TMEM61: variants seen among roughly 807,000 people sequenced by gnomAD.
TMEM61 encodes the protein transmembrane protein 61.
In TMEM61, 13 loss-of-function variants were observed where a neutral mutation model predicts 12.0. The ratio of observed to expected loss-of-function variants is 1.08; its 90% CI spans 0.70 to 1.72. TMEM61 has a LOEUF of 1.72. Ranked by LOEUF, TMEM61 falls within the 40% of genes most tolerant of loss-of-function variation. TMEM61 has a pLI of 0.00. For missense variants in TMEM61, 249 were observed against 276.9 expected, an observed-to-expected ratio of 0.90 and a Z score of 0.71; for synonymous variants, 109 against 121.4, an observed-to-expected ratio of 0.90 and a Z score of 0.67.
At chr1:54,982,390 A>G (rs992970963) in intron 1 of TMEM61, among the ~76,000 whole-genome samples, 2 of 152,140 alleles carry the variant, frequency 1.3e-5, no homozygotes, top group African/African-American at 4.8e-5. Context: ...GCCTGCTGAT[A>G]GTGACATCCC....
At chr1:54,981,610 G>A (rs1231958477) in intron 1 of TMEM61, among the ~76,000 whole-genome samples, 2 of 152,002 alleles carry the variant, frequency 1.3e-5, no homozygotes, top group Non-Finnish European at 2.9e-5. Context: ...AGAGCAAGAT[G>A]GAATCTCAAA....
chr1:54,986,747 A>C (rs1211924315), intron 2 of TMEM61, among the ~76,000 whole-genome samples: 1 of 151,946 alleles, frequency 6.6e-6, no homozygotes, highest in Non-Finnish European at 1.5e-5. Context: ...AGCTGAGCTC[A>C]GCTTGGTATG....
chr1:54,989,927 G>T (rs1044883294), intron 2 of TMEM61, among the ~76,000 whole-genome samples: 1 of 152,078 alleles, frequency 6.6e-6, no homozygotes, highest in Non-Finnish European at 1.5e-5. Context: ...TTTTCTGAGT[G>T]TTGTGAAACA....
rs1644214683 is a variant in TMEM61 at position 54,980,947 on chromosome 1, C to G, written c.-119C>G. 8.8e-7 allele frequency: 1 copy of G among 1,139,042 alleles called. No homozygotes were observed. The highest frequency in any genetic ancestry group is 2.9e-5 in the East Asian group (1 of 34,062). 70.6% of individuals were successfully genotyped at this position (1,139,042 alleles called of 1,614,324 possible). On this transcript the variant is annotated 5_prime_UTR_variant, in exon 1 of 3. Transcript: ENST00000371268. Reference sequence around the variant, plus strand: ...CCCTCCGCCCCTAACACCCGCGCCTCCTGCAGACCCGAGGGTCGCCGCTGG... The same window carrying G: ...CCCTCCGCCCCTAACACCCGCGCCTGCTGCAGACCCGAGGGTCGCCGCTGG...
chr1:54,991,915 G>A lies in TMEM61; in HGVS notation c.445G>A (p.Ala149Thr). The change falls in exon 3 of 3, where the codon GCA (alanine) becomes ACA (threonine). Residue 149 changes from alanine (A) to threonine (T), a missense_variant. Coordinates refer to ENST00000371268, the MANE Select transcript of TMEM61 (RefSeq NM_182532.3). ...GGCCGAGGGGCCCCCAACACCACCT[G>A]CATACCCTACGGAGGAAGCCCTGGA... The part of the protein sequence containing the change: ...PVAEGPPTPP[A>T]YPTEEALEPS... The A allele has an allele frequency of 6.2e-7, 1 of 1,614,166 alleles. No homozygotes were observed. Among genetic ancestry groups the A allele is most frequent in the Non-Finnish European group, 8.5e-7 (1 of 1,180,016 alleles).
At chr1:54,989,467 C>A (rs963097162) in intron 2 of TMEM61, among the ~76,000 whole-genome samples, 9 of 151,794 alleles carry the variant, frequency 5.9e-5, no homozygotes, top group African/African-American at 2.2e-4. Flanking sequence ...CCTGCCCCAA[C>A]CAGACTCCAA....
intron 1 of TMEM61, among the ~76,000 whole-genome samples, chr1:54,982,549 G>A (rs1203961317): frequency 2.0e-5 from 3 of 151,772 alleles, no homozygotes; most frequent in Admixed American, 6.6e-5. Context: ...CATGGAAGGA[G>A]CGAGACCCAC....
chr1:54,989,532 G>A (rs1294364539), intron 2 of TMEM61, among the ~76,000 whole-genome samples: 1 of 152,228 alleles, frequency 6.6e-6, no homozygotes, highest in Non-Finnish European at 1.5e-5. Context: ...AGACCACTGT[G>A]GCAGGACTGC....
chr1:54,985,217 GTA>G (rs1055647350), intron 1 of TMEM61, among the ~76,000 whole-genome samples: 5 of 16,308 alleles, frequency 3.1e-4, no homozygotes, highest in East Asian at 1.9e-3. Flanking sequence ...GTGAACGTGT[GTA>G]TGTGTGTGTG....
At chr1:54,987,805 T>G (rs1644270431) in intron 2 of TMEM61, among the ~76,000 whole-genome samples, 1 of 152,186 alleles carries the variant, frequency 6.6e-6, no homozygotes, top group South Asian at 2.1e-4. Flanking sequence ...TGGATCCCTG[T>G]GTGTGAGGGG....
chr1:54,990,799 C>G (rs576154656), intron 2 of TMEM61, among the ~76,000 whole-genome samples: 1 of 152,330 alleles, frequency 6.6e-6, no homozygotes, highest in Admixed American at 6.5e-5. Context: ...ATTTAACCTG[C>G]ACTCTGTCCT....
chr1:54,981,204 C>T (rs1451827845), intron 1 of TMEM61, 124 bp downstream of exon 1: 4 of 1,123,852 alleles, frequency 3.6e-6, no homozygotes, highest in Non-Finnish European at 4.9e-6. Flanking sequence ...ACACCCGGGG[C>T]TCTGCCTGGG....
At chr1:54,985,219 A>ATGTGTGTG (rs35817239) in intron 1 of TMEM61, among the ~76,000 whole-genome samples, 59 of 150,726 alleles carry the variant, frequency 3.9e-4, no homozygotes, top group African/African-American at 1.4e-3. Flanking sequence ...GAACGTGTGT[A>ATGTGTGTG]TGTGTGTGTG....
intron 1 of TMEM61, 143 bp from the exon 2 acceptor site, chr1:54,985,949 CCACTT>C: frequency 1.5e-6 from 1 of 659,324 alleles, no homozygotes; most frequent in African/African-American, 1.8e-5. Flanking sequence ...GGCATCATCT[CCACTT>C]CACAGATGAG....
chr1:54,986,620 T>A (rs1318005958), intron 2 of TMEM61, among the ~76,000 whole-genome samples, 174 bp downstream of exon 2: 1 of 151,600 alleles, frequency 6.6e-6, no homozygotes, highest in East Asian at 1.9e-4. Flanking sequence ...CCTGAAGGAG[T>A]TTAAAGCCCC....
chr1:54,985,969 C>T (rs1644254834), intron 1 of TMEM61, 128 bp from the exon 2 acceptor site: 4 of 780,978 alleles, frequency 5.1e-6, no homozygotes, highest in Non-Finnish European at 7.9e-6. Context: ...GATGAGGAAA[C>T]TGAGGCCCAG....
Position 54,986,081 on chromosome 1 carries a change from C to T in TMEM61, c.16-16C>T. ...ATATGGCCCATTTCCTCTTCTCCCT[C>T]CTTCTCTGTGTCCAGATGTGTGACG... On this transcript the variant is annotated splice_polypyrimidine_tract_variant and intron_variant, in intron 1 of 2. Coordinates refer to ENST00000371268, the MANE Select transcript of TMEM61 (RefSeq NM_182532.3). 6.4e-7 allele frequency: 1 copy of T among 1,562,196 alleles called. No individual in the cohort carries two copies. Among genetic ancestry groups the T allele is most frequent in the Non-Finnish European group, 8.7e-7 (1 of 1,149,176 alleles).
chr1:54,984,029 T>C (rs1456118586), intron 1 of TMEM61, among the ~76,000 whole-genome samples: 1 of 152,114 alleles, frequency 6.6e-6, no homozygotes, highest in Non-Finnish European at 1.5e-5. Context: ...TTTACATGTG[T>C]ACATTCTCTC....
rs1644256682 is a variant in TMEM61, at chr1:54,986,141, G to A, written c.60G>A (p.Met20Ile). 2 of 1,608,326 alleles carry A rather than the reference G, an allele frequency of 1.2e-6. No individual in the cohort carries two copies. The highest frequency in any genetic ancestry group is 2.2e-5 in the South Asian group (2 of 90,624). Residue 20 changes from methionine (M) to isoleucine (I), a missense_variant, in exon 2 of 3, where the codon ATG (methionine) becomes ATA (isoleucine). Physicochemically the swap from Met to Ile is conservative, Grantham distance 10. Transcript: ENST00000371268. Reference protein sequence around the residue: ...SHLASTLRYCMTVSGTVVLVA... With the variant: ...SHLASTLRYCITVSGTVVLVA... The stretch of plus-strand genomic sequence containing the variant: ...TGGCCTCCACCCTCCGCTATTGCAT[G>A]ACAGTCAGCGGCACAGTGGTTCTGG...
Sources: allele counts gnomAD v4.1 joint callset (sites outside exome capture counted in the v4.1 genomes callset), GRCh38; gene constraint gnomAD v4.1.1; transcripts MANE v1.5; gene names NCBI Gene and HGNC (gene_info 2026-07-23, HGNC 2026-07-21).